Variants in GPHN observed in about 807,000 individuals in gnomAD.
GPHN encodes the protein gephyrin.
A neutral mutation model predicts 95.5 loss-of-function variants in GPHN; 17 were observed. The observed-to-expected ratio is 0.18, with a 90% CI of 0.12 to 0.27. The LOEUF is 0.27. Ranked by LOEUF, GPHN falls within the 10% of genes least tolerant of loss-of-function variation. GPHN has a pLI of 1.00. For synonymous variants in GPHN, 320 were observed against 322.5 expected, an observed-to-expected ratio of 0.99 and a Z score of 0.08; for missense variants, 660 against 978.1, an observed-to-expected ratio of 0.67 and a Z score of 4.34.
intron 8 of GPHN, among the ~76,000 whole-genome samples, chr14:66,931,098 G>T (rs1367314259): frequency 6.6e-6 from 1 of 151,938 alleles, no homozygotes; most frequent in East Asian, 1.9e-4. Context: ...TCTCCTTCAT[G>T]TTTGAAGGAC....
chr14:66,942,419 A>C (rs2067479567), intron 8 of GPHN, among the ~76,000 whole-genome samples: 1 of 152,212 alleles, frequency 6.6e-6, no homozygotes, highest in African/African-American at 2.4e-5. Flanking sequence ...AAGTTATTAG[A>C]AACCTGCATT....
chr14:66,593,519 C>G (rs990381047), intron 1 of GPHN, among the ~76,000 whole-genome samples: 4 of 152,072 alleles, frequency 2.6e-5, no homozygotes, highest in African/African-American at 9.7e-5. Flanking sequence ...CTTATGAGAA[C>G]TCACTATCAT....
chr14:67,235,774 T>C, the GPHN span, among the ~76,000 whole-genome samples: 1 of 152,104 alleles, frequency 6.6e-6, no homozygotes, highest in East Asian at 1.9e-4. Flanking sequence ...CAGACTGGCA[T>C]AGGACCACTC....
At chr14:67,583,275 T>C in the GPHN span, among the ~76,000 whole-genome samples, 13 of 152,202 alleles carry the variant, frequency 8.5e-5, no homozygotes, top group South Asian at 2.5e-3. Flanking sequence ...TCCCACCTAA[T>C]AGATGAGGAA....
At chr14:66,915,328 A>G (rs948061449) in intron 5 of GPHN, among the ~76,000 whole-genome samples, 1 of 152,200 alleles carries the variant, frequency 6.6e-6, no homozygotes, top group African/African-American at 2.4e-5. Flanking sequence ...CAATGACAGC[A>G]TAATTCCAGC....
the GPHN span, among the ~76,000 whole-genome samples, chr14:67,284,258 A>C: frequency 6.6e-6 from 1 of 151,942 alleles, no homozygotes; most frequent in East Asian, 1.9e-4. Flanking sequence ...CATACCATAA[A>C]ATTTTGTCTT....
intron 1 of GPHN, among the ~76,000 whole-genome samples, chr14:66,578,197 A>G (rs1042362876): frequency 2.0e-5 from 3 of 151,530 alleles, no homozygotes; most frequent in African/African-American, 7.3e-5. Context: ...GAGAGCTTCA[A>G]CATAAGATTT....
At chr14:67,385,159 G>GAACA in the GPHN span, 1 of 152,124 alleles carries the variant, frequency 6.6e-6, no homozygotes, top group South Asian at 2.1e-4. Flanking sequence ...ACGAGGAAAA[G>GAACA]AACAAACAAA....
chr14:67,378,530 G>A, the GPHN span, among the ~76,000 whole-genome samples: 3 of 152,202 alleles, frequency 2.0e-5, no homozygotes, highest in South Asian at 6.2e-4. Flanking sequence ...ATTCAAACGC[G>A]TGCATTCTGG....
At chr14:67,055,309 G>C (rs1250234012) in intron 10 of GPHN, among the ~76,000 whole-genome samples, 1 of 152,078 alleles carries the variant, frequency 6.6e-6, no homozygotes, top group Non-Finnish European at 1.5e-5. Context: ...AACAAACATG[G>C]AAAAAAGCTC....
the GPHN span, among the ~76,000 whole-genome samples, chr14:67,522,371 C>T: frequency 6.6e-6 from 1 of 152,194 alleles, no homozygotes; most frequent in African/African-American, 2.4e-5. Context: ...CTGGTCACCT[C>T]TCCTCTGTGC....
chr14:66,886,358 A>G (rs149807926), intron 5 of GPHN, among the ~76,000 whole-genome samples: 1,828 of 152,232 alleles, frequency 0.012, 19 homozygotes, highest in Non-Finnish European at 0.018. Context: ...TTGCAAATAT[A>G]TTCAGTCCAG....
intron 8 of GPHN, among the ~76,000 whole-genome samples, chr14:66,944,823 G>C (rs1214860333): frequency 6.6e-6 from 1 of 152,218 alleles, no homozygotes; most frequent in East Asian, 1.9e-4. Context: ...AGGCTCCACA[G>C]ATGCAATGCA....
At chr14:67,717,052 A>C in the GPHN span, among the ~76,000 whole-genome samples, 1 of 152,176 alleles carries the variant, frequency 6.6e-6, no homozygotes. Flanking sequence ...ACTTCAAACT[A>C]AATTACAGAC....
intron 10 of GPHN, among the ~76,000 whole-genome samples, chr14:67,032,021 GA>G (rs1328401144): frequency 6.6e-6 from 1 of 152,052 alleles, no homozygotes; most frequent in South Asian, 2.1e-4. Flanking sequence ...GAAAACTCCA[GA>G]AAAAAGGTTG....
chr14:66,915,514 C>T (rs2065858397), intron 5 of GPHN, among the ~76,000 whole-genome samples: 1 of 152,128 alleles, frequency 6.6e-6, no homozygotes, highest in African/African-American at 2.4e-5. Flanking sequence ...AATGAATGAG[C>T]TCTCCAACCT....
chr14:66,714,963 T>G (rs2070027558), intron 2 of GPHN, among the ~76,000 whole-genome samples: 1 of 152,154 alleles, frequency 6.6e-6, no homozygotes, highest in Non-Finnish European at 1.5e-5. Flanking sequence ...CCTTTCCTGG[T>G]TTTGGTATTA....
chr14:67,334,713 A>ACTGT, the GPHN span: 1 of 152,262 alleles, frequency 6.6e-6, no homozygotes, highest in Non-Finnish European at 1.5e-5. Context: ...GCCATACACT[A>ACTGT]CTGTCTCTTC....
chr14:67,511,131 C>T, the GPHN span, among the ~76,000 whole-genome samples: 1 of 152,096 alleles, frequency 6.6e-6, no homozygotes, highest in Non-Finnish European at 1.5e-5. Context: ...GACAGGGGTG[C>T]CTCTTAATAA....
Sources: gnomAD v4.1 joint callset for allele counts (sites outside exome capture counted in the v4.1 genomes callset) on GRCh38, gnomAD v4.1.1 for gene constraint, MANE v1.5 for transcripts, NCBI Gene and HGNC (gene_info 2026-07-23, HGNC 2026-07-21) for gene names.